STK32A: variants seen among roughly 807,000 people sequenced by gnomAD.
The protein encoded by STK32A is serine/threonine kinase 32A, also known as serine/threonine-protein kinase 32A.
Under a neutral mutation model 53.2 loss-of-function variants are expected in STK32A, and 41 were observed. The observed-to-expected ratio is 0.77, with a 90% CI of 0.60 to 1.00. The LOEUF (loss-of-function observed/expected upper bound fraction) is 1.00, where lower values mean the gene tolerates loss of function less well. Among genes scored for constraint, STK32A ranks in the 50% least tolerant of loss-of-function variants. STK32A has a pLI of 0.00. For missense variants in STK32A, 458 were observed against 485.8 expected, an observed-to-expected ratio of 0.94 and a Z score of 0.54; for synonymous variants, 166 against 162.8, an observed-to-expected ratio of 1.02 and a Z score of -0.15.
intron 8 of STK32A, among the ~76,000 whole-genome samples, chr5:147,364,402 C>T (rs1396785786): frequency 6.6e-6 from 1 of 152,088 alleles, no homozygotes; most frequent in South Asian, 2.1e-4. Context: ...ACCAGAATCA[C>T]CCTTAATATC....
chr5:147,332,705 G>A (rs1754932351), intron 5 of STK32A, among the ~76,000 whole-genome samples: 1 of 152,090 alleles, frequency 6.6e-6, no homozygotes, highest in African/African-American at 2.4e-5. Context: ...GTAGCAGAAG[G>A]ACCACTTGAG....
intron 2 of STK32A, among the ~76,000 whole-genome samples, chr5:147,246,958 G>A (rs555555423): frequency 6.6e-6 from 1 of 152,194 alleles, no homozygotes; most frequent in Non-Finnish European, 1.5e-5. Context: ...GTTAGTTAAA[G>A]AGTGTCTTCT....
intron 2 of STK32A, among the ~76,000 whole-genome samples, chr5:147,262,633 G>A (rs1368190080): frequency 1.3e-5 from 2 of 151,272 alleles, no homozygotes; most frequent in Non-Finnish European, 2.9e-5. Flanking sequence ...AGGGAAAGAT[G>A]CTGAATAGAA....
chr5:147,399,319 C>T, the STK32A span: 2 of 1,511,838 alleles, frequency 1.3e-6, no homozygotes, highest in Non-Finnish European at 1.8e-6. Context: ...GGCTTCTGAA[C>T]TCAGAGAAAG....
chr5:147,330,949 T>C (rs1754839188), intron 5 of STK32A, among the ~76,000 whole-genome samples: 1 of 152,176 alleles, frequency 6.6e-6, no homozygotes. Context: ...TGGGCTGGAG[T>C]GTCACCTTTG....
At chr5:147,260,690 C>G (rs1311969719) in intron 2 of STK32A, among the ~76,000 whole-genome samples, 1 of 152,120 alleles carries the variant, frequency 6.6e-6, no homozygotes, top group Non-Finnish European at 1.5e-5. Flanking sequence ...TTACACACTT[C>G]CCACTCGTTC....
the STK32A span, chr5:147,395,485 ACAC>A: frequency 1.3e-6 from 2 of 1,521,560 alleles, no homozygotes; most frequent in East Asian, 4.9e-5. Flanking sequence ...GTTCTGAGGA[ACAC>A]CCTGTGGCCT....
intron 4 of STK32A, among the ~76,000 whole-genome samples, chr5:147,303,350 CG>C (rs971616979): frequency 2.6e-5 from 4 of 152,088 alleles, no homozygotes; most frequent in African/African-American, 9.7e-5. Context: ...GCCTTGAAGG[CG>C]GGGGCTAGCC....
chr5:147,272,066 C>G (rs1421032318), intron 2 of STK32A, among the ~76,000 whole-genome samples: 2 of 152,146 alleles, frequency 1.3e-5, no homozygotes, highest in Non-Finnish European at 2.9e-5. Flanking sequence ...GGATGTCCAG[C>G]CTTAAAATTT....
intron 5 of STK32A, among the ~76,000 whole-genome samples, chr5:147,337,011 G>T (rs567923209): frequency 6.6e-6 from 1 of 152,276 alleles, no homozygotes; most frequent in African/African-American, 2.4e-5. Context: ...GTATAGGATT[G>T]CAGGGTGAGC....
chr5:147,246,260 T>C (rs1375942143), intron 2 of STK32A, among the ~76,000 whole-genome samples: 1 of 152,176 alleles, frequency 6.6e-6, no homozygotes, highest in Non-Finnish European at 1.5e-5. Flanking sequence ...AGGGTTTTAA[T>C]TTGTAAGGGC....
downstream of STK32A, chr5:147,391,203 G>C (rs918909282): frequency 4.6e-5 from 7 of 152,548 alleles, no homozygotes; most frequent in African/African-American, 1.4e-4. Context: ...TCCAGGCTCA[G>C]GTGTCAGCCC....
In STK32A at chr5:147,343,022, A is replaced by G. The variant is rs1181854645; in HGVS notation, c.451A>G (p.Asn151Asp). Residue 151 changes from asparagine (N) to aspartate (D), a missense_variant, in exon 6 of 13, where the codon AAT becomes GAT. By Grantham distance (23) the Asn-to-Asp change is conservative. Transcript: ENST00000397936. ...RIIHRDMKPD[N>D]ILLDEHGHVH... ...CTCCTCTAGGGATATGAAGCCTGAC[A>G]ATATTTTACTTGACGAACATGGTAA... is the stretch of plus-strand genomic sequence containing the variant. 4 of 1,613,352 alleles carry G rather than the reference A, an allele frequency of 2.5e-6. No homozygotes were observed. The highest frequency in any genetic ancestry group is 2.2e-5 in the East Asian group (1 of 44,858).
At chr5:147,373,903 C>G (rs1243247004) in intron 10 of STK32A, among the ~76,000 whole-genome samples, 1 of 152,178 alleles carries the variant, frequency 6.6e-6, no homozygotes, top group Non-Finnish European at 1.5e-5. Flanking sequence ...AGTGAGGCCA[C>G]TAGCTCCTTC....
chr5:147,371,188 C>T (rs1297508686), intron 9 of STK32A, among the ~76,000 whole-genome samples: 1 of 152,166 alleles, frequency 6.6e-6, no homozygotes, highest in Non-Finnish European at 1.5e-5. Context: ...CCTGATCCAA[C>T]TGCCATCAGT....
chr5:147,320,411 C>T (rs1171687138), intron 4 of STK32A, among the ~76,000 whole-genome samples: 1 of 151,054 alleles, frequency 6.6e-6, no homozygotes, highest in Non-Finnish European at 1.5e-5. Flanking sequence ...CCACCCAAAG[C>T]TTGTGTTTTA....
At chr5:147,382,722 C>A (rs1757500935) in intron 11 of STK32A, among the ~76,000 whole-genome samples, 1 of 152,086 alleles carries the variant, frequency 6.6e-6, no homozygotes, top group African/African-American at 2.4e-5. Context: ...CATGTGCAGT[C>A]ACTTTCTAAT....
At chr5:147,290,122 G>T (rs1752531693) in intron 4 of STK32A, among the ~76,000 whole-genome samples, 1 of 152,112 alleles carries the variant, frequency 6.6e-6, no homozygotes, top group Non-Finnish European at 1.5e-5. Flanking sequence ...GGGATATCTT[G>T]GTGAGCAGAA....
intron 7 of STK32A, among the ~76,000 whole-genome samples, chr5:147,358,520 AAAT>A (rs1391770106): frequency 6.6e-6 from 1 of 152,178 alleles, no homozygotes; most frequent in Admixed American, 6.5e-5. Context: ...CCCAAACTGA[AAAT>A]AACCCAAATG....
Sources: allele counts gnomAD v4.1 joint callset (sites outside exome capture counted in the v4.1 genomes callset), GRCh38; gene constraint gnomAD v4.1.1; transcripts MANE v1.5; gene names NCBI Gene and HGNC (gene_info 2026-07-23, HGNC 2026-07-21).